ADGRA2: variants seen among roughly 807,000 people sequenced by gnomAD.
ADGRA2 encodes G-protein coupled receptor 124.
Under a neutral mutation model 98.7 loss-of-function variants are expected in ADGRA2, and 61 were observed. The ratio of observed to expected loss-of-function variants is 0.62; its 90% CI spans 0.50 to 0.76. The LOEUF is 0.76. Among genes scored for constraint, ADGRA2 ranks in the 30% least tolerant of loss-of-function variants. The pLI is 0.00. For synonymous variants in ADGRA2, 858 were observed against 831.5 expected (o/e 1.03, Z -0.55); for missense variants, 1,712 against 1,860.0 (o/e 0.92, Z 1.46).
intron 1 of ADGRA2, among the ~76,000 whole-genome samples, chr8:37,798,622 C>G (rs537650210): frequency 4.6e-5 from 7 of 152,368 alleles, no homozygotes; most frequent in African/African-American, 1.4e-4. Flanking sequence ...GAGCCGCTTC[C>G]CTTTCCCTGT....
Position 37,830,610 on chromosome 8 carries a change from G to GCGCC in ADGRA2, c.719-99_719-98insGCCC. ...AGCTGGAGCAGGCTGCAGGCCGAGG[G>GCGCC]CCCCGCCCCGCCCCACCCCATCCTG... On this transcript the variant is annotated intron_variant, in intron 6 of 18. Coordinates refer to ENST00000412232, the MANE Select transcript of ADGRA2 (RefSeq NM_032777.10). This position sits in a 1 kb window ranked among gnomAD's most constrained non-coding sequence, Gnocchi z 4.8. 6.2e-5 allele frequency: 36 copies of GCGCC among 579,886 alleles called. 2 individuals carry two copies. The highest frequency in any genetic ancestry group is 1.3e-4 in the East Asian group (4 of 31,242). 35.9% of individuals were successfully genotyped at this position (579,886 alleles called of 1,614,324 possible). A position where few individuals can be genotyped will look rare whatever the true frequency, so the allele number is the denominator to read the frequency against.
intron 18 of ADGRA2, 109 bp downstream of exon 18, chr8:37,840,958 C>A: frequency 8.6e-7 from 1 of 1,167,362 alleles, no homozygotes; most frequent in Non-Finnish European, 1.3e-6. Flanking sequence ...CCAACCCAAG[C>A]CCATGCATGC....
intron 2 of ADGRA2, among the ~76,000 whole-genome samples, chr8:37,826,145 T>C (rs939618622): frequency 2.6e-5 from 4 of 152,108 alleles, no homozygotes; most frequent in Admixed American, 1.3e-4. Context: ...GAAGGGGGGC[T>C]GCGCCTAAGC....
At position 37,804,151 on chromosome 8, in the gene ADGRA2, A is replaced by G. The variant is rs149543956; in HGVS notation, c.266+6617A>G. On this transcript the variant is annotated intron_variant, in intron 1 of 18. Coordinates refer to ENST00000412232, the MANE Select transcript of ADGRA2 (RefSeq NM_032777.10). Reference sequence around the variant, plus strand: ...CACACACACACACACACACACACACACGGCTCTTAGCCAGGCAGCTCTAAC... The same window carrying G: ...CACACACACACACACACACACACACGCGGCTCTTAGCCAGGCAGCTCTAAC... 3.8e-3 allele frequency among the ~76,000 whole-genome samples: 568 copies of G among 148,598 alleles called. 19 individuals are homozygous for G. The East Asian group carries it at 0.039, about 10-fold the overall frequency.
At chr8:37,822,538 G>A (rs180715492) in intron 2 of ADGRA2, among the ~76,000 whole-genome samples, 1 of 152,260 alleles carries the variant, frequency 6.6e-6, no homozygotes, top group African/African-American at 2.4e-5. Context: ...ACAGAATTGT[G>A]TAATCACCAT....
At chr8:37,825,410 ATT>A (rs750368833) in intron 2 of ADGRA2, among the ~76,000 whole-genome samples, 25 of 138,002 alleles carry the variant, frequency 1.8e-4, no homozygotes, top group African/African-American at 1.3e-4. Flanking sequence ...CATTGGCTAA[ATT>A]TTTTTTTTTT....
rs1805845474 is a variant in ADGRA2, at chr8:37,842,676, C to G, written c.*321C>G. ...GTGCACCCTCCCCAAGTACTCCCAC[C>G]CCGCCTACTGTCCATGCGGCCTCAC... On this transcript the variant is annotated 3_prime_UTR_variant, in exon 19 of 19. Transcript: ENST00000412232. 2 of 283,126 alleles carry G rather than the reference C, an allele frequency of 7.1e-6. No homozygotes were observed. Among genetic ancestry groups the G allele is most frequent in the Non-Finnish European group, 1.3e-5 (2 of 153,514 alleles). The allele number at this position is 283,126 out of a possible 1,614,324, so 17.5% of individuals were successfully genotyped here.
intron 17 of ADGRA2, among the ~76,000 whole-genome samples, 175 bp downstream of exon 17, chr8:37,840,441 T>C (rs893202098): frequency 1.3e-5 from 2 of 152,094 alleles, no homozygotes; most frequent in Admixed American, 6.5e-5. Context: ...GTGGGGGACA[T>C]CTTGCGGGCT....
rs375804717 is a variant in ADGRA2 at position 37,831,574 on chromosome 8, C to A, written c.1084C>A (p.Arg362Ser). ...CCCCGCCGAGCGTGTTGCCAACAAC[C>A]GCGGGGACTTCAGGTTTGGCCCACT... is the stretch of plus-strand genomic sequence containing the variant. ...YCPAERVANN[R>S]GDFRWPRTLA... Residue 362 changes from arginine (R) to serine (S), a missense_variant, in exon 8 of 19, where the codon CGC (arginine) becomes AGC (serine). Physicochemically the swap from Arg to Ser is moderately radical, Grantham distance 110. Transcript: ENST00000412232. 2 of 1,613,754 alleles carry A rather than the reference C, an allele frequency of 1.2e-6. No homozygotes were observed. Among genetic ancestry groups the A allele is most frequent in the Non-Finnish European group, 1.7e-6 (2 of 1,179,988 alleles).
rs959516886 is a variant in ADGRA2 at position 37,834,222 on chromosome 8, G to A, written c.1608+94G>A. On this transcript the variant is annotated intron_variant, in intron 11 of 18. Coordinates refer to ENST00000412232, the MANE Select transcript of ADGRA2 (RefSeq NM_032777.10). The surrounding 1 kb of genome is among the most constrained non-coding windows in gnomAD (Gnocchi z 4.2). ...ACCTGCCGTGCCCCAGCTAGCAAGAGCAGCAGACGTGACAAAGTTCTGAGC... is the reference window on the plus strand; with the variant it reads ...ACCTGCCGTGCCCCAGCTAGCAAGAACAGCAGACGTGACAAAGTTCTGAGC... 8.5e-7 allele frequency: 1 copy of A among 1,182,470 alleles called. No individual in the cohort carries two copies. The highest frequency in any genetic ancestry group is 1.2e-6 in the Non-Finnish European group (1 of 847,970). The allele number at this position is 1,182,470 out of a possible 1,614,324, so 73.2% of individuals were successfully genotyped here.
At position 37,833,083 on chromosome 8, in the gene ADGRA2, G is replaced by A. The variant is rs61738779; in HGVS notation, c.1171G>A (p.Gly391Ser). Residue 391 changes from glycine to serine, a missense_variant, in exon 9 of 19, where the codon GGC becomes AGC. By Grantham distance (56) the Gly-to-Ser change is moderately conservative. Transcript: ENST00000412232. Reference protein sequence around the residue: ...LQYPFTSVPLGGGAPGTRASR... With the variant: ...LQYPFTSVPLSGGAPGTRASR... ...GTATCCCTTCACCTCAGTGCCCCTG[G>A]GCGGGGGTGCCCCGGGCACCCGAGC... is the stretch of plus-strand genomic sequence containing the variant. 1.1e-3 allele frequency: 1,733 copies of A among 1,612,720 alleles called. 2 individuals carry two copies. The highest frequency in any genetic ancestry group is 1.4e-3 in the Non-Finnish European group (1,612 of 1,179,858).
chr8:37,815,035 G>A (rs1374439039), intron 2 of ADGRA2, 68 bp downstream of exon 2: 3 of 1,078,662 alleles, frequency 2.8e-6, no homozygotes, highest in Admixed American at 1.7e-5. Flanking sequence ...CCCCGGGGAG[G>A]AGGAGGAACG....
intron 1 of ADGRA2, among the ~76,000 whole-genome samples, chr8:37,811,474 CTTTTTT>C (rs34759771): frequency 8.9e-6 from 1 of 112,222 alleles, no homozygotes; most frequent in Non-Finnish European, 1.8e-5. Context: ...ACCCAGCCAA[CTTTTTT>C]TTTTTTTTTT....
intron 2 of ADGRA2, among the ~76,000 whole-genome samples, chr8:37,820,709 A>C (rs964372553): frequency 6.6e-6 from 1 of 152,244 alleles, no homozygotes; most frequent in African/African-American, 2.4e-5. Flanking sequence ...ATGTGTTTGC[A>C]TGGCCTCCTT....
rs1261210239 is a variant in ADGRA2 at position 37,834,664 on chromosome 8, C to T, written c.1609-510C>T. ...ATCCCAGCACGTTGGGAGGCCGATACAGGAGGATCTCCCAAGGCCAGGAGT... is the reference window on the plus strand; with the variant it reads ...ATCCCAGCACGTTGGGAGGCCGATATAGGAGGATCTCCCAAGGCCAGGAGT... On this transcript the variant is annotated intron_variant, in intron 11 of 18. Coordinates refer to ENST00000412232, the MANE Select transcript of ADGRA2 (RefSeq NM_032777.10). The surrounding 1 kb of genome is among the most constrained non-coding windows in gnomAD (Gnocchi z 4.2). 6.6e-6 allele frequency among the ~76,000 whole-genome samples: 1 copy of T among 152,092 alleles called. No individual in the cohort carries two copies. The highest frequency in any genetic ancestry group is 2.4e-5 in the African/African-American group (1 of 41,414).
intron 8 of ADGRA2, 150 bp downstream of exon 8, chr8:37,831,737 C>A: frequency 4.3e-6 from 3 of 694,636 alleles, no homozygotes. Flanking sequence ...CAGCCTGAAG[C>A]CTTGCTATCG....
chr8:37,831,784 G>T (rs972999675), intron 8 of ADGRA2, among the ~76,000 whole-genome samples, 197 bp downstream of exon 8: 1 of 152,214 alleles, frequency 6.6e-6, no homozygotes, highest in Non-Finnish European at 1.5e-5. Flanking sequence ...ACCATCTGAG[G>T]CCGGGTGCAG....
In ADGRA2 at chr8:37,840,864, C is replaced by CCA; in HGVS notation, c.2747+15_2747+16insCA. 1 of 1,426,770 alleles carries CCA rather than the reference C, an allele frequency of 7.0e-7. No homozygotes were observed. The highest frequency in any genetic ancestry group is 9.9e-7 in the Non-Finnish European group (1 of 1,014,650). 88.4% of individuals were successfully genotyped at this position (1,426,770 alleles called of 1,614,324 possible). A position where few individuals can be genotyped will look rare whatever the true frequency, so the allele number is the denominator to read the frequency against. ...CACAGCCCCTAGTGAGCACCCCTCC[C>CCA]TCCCGCCCCAAGCCTACCTACCTAA... On this transcript the variant is annotated intron_variant, in intron 18 of 18. Transcript: ENST00000412232.
intron 4 of ADGRA2, 33 bp downstream of exon 4, chr8:37,829,365 G>A: frequency 6.3e-7 from 1 of 1,593,220 alleles, no homozygotes; most frequent in Non-Finnish European, 8.6e-7. Context: ...GGGAGGGGAG[G>A]AGAGGGAAGA....
Sources: allele counts gnomAD v4.1 joint callset (sites outside exome capture counted in the v4.1 genomes callset), GRCh38; gene constraint gnomAD v4.1.1; non-coding constraint Gnocchi (gnomAD v3.1); transcripts MANE v1.5; gene names NCBI Gene and HGNC (gene_info 2026-07-23, HGNC 2026-07-21).